Variants in TCF7L2 observed in about 807,000 individuals in gnomAD.
TCF7L2 encodes transcription factor 7-like 2.
TCF7L2 carries 23 observed loss-of-function variants against 77.9 expected under a neutral mutation model. That is an observed-to-expected ratio of 0.30 (90% CI 0.21 to 0.42). The LOEUF is 0.42. TCF7L2 is among the 10% of genes least tolerant of loss of function. TCF7L2 has a pLI of 1.00. For synonymous variants in TCF7L2, 413 were observed against 340.2 expected, an observed-to-expected ratio of 1.21 and a Z score of -2.36; for missense variants, 654 against 793.1, an observed-to-expected ratio of 0.82 and a Z score of 2.11.
chr10:113,164,612 AT>A (rs1428802450), intron 13 of TCF7L2, among the ~76,000 whole-genome samples: 2 of 148,762 alleles, frequency 1.3e-5, no homozygotes, highest in African/African-American at 4.9e-5. Context: ...AAAAAAAAAA[AT>A]CAAGTTTGAA....
chr10:113,161,521 C>T, intron 13 of TCF7L2: 1 of 1,529,248 alleles, frequency 6.5e-7, no homozygotes, highest in Non-Finnish European at 8.8e-7. Context: ...GTCTCATTTC[C>T]TTTCTTTAAT....
chr10:113,085,242 T>A (rs896383875), intron 5 of TCF7L2, among the ~76,000 whole-genome samples: 19 of 145,174 alleles, frequency 1.3e-4, no homozygotes, highest in African/African-American at 3.2e-4. Flanking sequence ...TTTTTTTTTT[T>A]AATTTTTAGT....
At position 113,153,455 on chromosome 10, in the gene TCF7L2, G is replaced by A. The variant is rs529012928; in HGVS notation, c.1269+1015G>A. 2.0e-5 allele frequency among the ~76,000 whole-genome samples: 3 copies of A among 152,338 alleles called. No individual in the cohort carries two copies. In the South Asian group the frequency reaches 6.2e-4, roughly 32 times the overall value. ...TGTCGATGTCTTGGAGCCATGGATG[G>A]TTACTTTTCCAGTTACTTTTGACTC... On this transcript the variant is annotated intron_variant, in intron 11 of 13. Coordinates refer to ENST00000627217, the MANE Select transcript of TCF7L2 (RefSeq NM_001146274.2).
chr10:112,968,182 T>G (rs1191874066), intron 4 of TCF7L2, among the ~76,000 whole-genome samples: 2 of 152,152 alleles, frequency 1.3e-5, no homozygotes, highest in African/African-American at 4.8e-5. Flanking sequence ...TTTGAGCCGC[T>G]CAGTCTCTGT....
At chr10:112,958,967 A>G (rs1398130850) in intron 3 of TCF7L2, among the ~76,000 whole-genome samples, 2 of 152,346 alleles carry the variant, frequency 1.3e-5, no homozygotes, top group East Asian at 3.9e-4. Context: ...TGTGTTAGGA[A>G]CATGTCTCAG....
At chr10:113,085,754 T>G (rs573701647) in intron 5 of TCF7L2, among the ~76,000 whole-genome samples, 1 of 152,188 alleles carries the variant, frequency 6.6e-6, no homozygotes, top group South Asian at 2.1e-4. Flanking sequence ...CTACCTTCTC[T>G]CTTGACTTGA....
intron 5 of TCF7L2, among the ~76,000 whole-genome samples, chr10:113,131,062 G>T (rs1048833255): frequency 3.3e-5 from 5 of 152,136 alleles, no homozygotes; most frequent in Admixed American, 2.6e-4. Context: ...CACCGTGCCC[G>T]GCCGGAGTGA....
At chr10:113,020,958 G>A (rs1284275061) in intron 4 of TCF7L2, among the ~76,000 whole-genome samples, 1 of 152,182 alleles carries the variant, frequency 6.6e-6, no homozygotes, top group Non-Finnish European at 1.5e-5. Context: ...TCACACAGCA[G>A]TTGAGTGCCA....
At position 112,975,457 on chromosome 10, in the gene TCF7L2, A is replaced by C. The variant is rs150025381; in HGVS notation, c.450+10833A>C. 3.7e-3 allele frequency among the ~76,000 whole-genome samples: 559 copies of C among 152,176 alleles called. 9 individuals carry two copies. The highest frequency in any genetic ancestry group is 0.017 in the East Asian group (89 of 5,174). On this transcript the variant is annotated intron_variant, in intron 4 of 13. Transcript: ENST00000627217. ...TGCAGGGGACCATCCCGTGCATTGT[A>C]GGGTGTTTATTTTTAAATTTTATTT...
chr10:112,973,714 C>T (rs1016241866), intron 4 of TCF7L2, among the ~76,000 whole-genome samples: 1 of 152,134 alleles, frequency 6.6e-6, no homozygotes, highest in African/African-American at 2.4e-5. Flanking sequence ...CTCAGCCTCC[C>T]AAGTATCTGA....
rs1592224779 is a variant in TCF7L2 at position 113,141,176 on chromosome 10, C to T, written c.553-8C>T. The stretch of plus-strand genomic sequence containing the variant: ...TGACGGTGTCTTTCTCTGTTCTCCT[C>T]CCCACAGTCTAACAAAGTGCCAGTG... On this transcript the variant is annotated splice_polypyrimidine_tract_variant and splice_region_variant and intron_variant, in intron 5 of 13. Coordinates refer to ENST00000627217, the MANE Select transcript of TCF7L2 (RefSeq NM_001146274.2). The T allele has an allele frequency of 1.2e-6, 2 of 1,613,874 alleles. No individual in the cohort carries two copies. Among genetic ancestry groups the T allele is most frequent in the Non-Finnish European group, 1.7e-6 (2 of 1,179,874 alleles).
At chr10:113,039,386 C>T (rs1238243019) in intron 4 of TCF7L2, among the ~76,000 whole-genome samples, 1 of 152,134 alleles carries the variant, frequency 6.6e-6, no homozygotes, top group Non-Finnish European at 1.5e-5. Flanking sequence ...TAAAGCATTC[C>T]TCTGGTCTTT....
intron 4 of TCF7L2, among the ~76,000 whole-genome samples, chr10:112,991,595 A>AG (rs2042561323): frequency 1.3e-5 from 2 of 151,660 alleles, no homozygotes; most frequent in African/African-American, 4.9e-5. Context: ...GCCACCGCCA[A>AG]GGGGAGTCAG....
intron 12 of TCF7L2, among the ~76,000 whole-genome samples, chr10:113,160,203 GT>G (rs2072919670): frequency 6.6e-6 from 1 of 151,820 alleles, no homozygotes; most frequent in South Asian, 2.1e-4. Context: ...AGCATCACTC[GT>G]GCCTCCTCGG....
chr10:113,115,360 ATTTCT>A (rs1472160284), intron 5 of TCF7L2, among the ~76,000 whole-genome samples: 1 of 152,236 alleles, frequency 6.6e-6, no homozygotes, highest in Non-Finnish European at 1.5e-5. Context: ...TTTTGAAAAC[ATTTCT>A]TTTCACATCC....
At chr10:112,962,636 C>T (rs1414479548) in intron 3 of TCF7L2, among the ~76,000 whole-genome samples, 1 of 152,112 alleles carries the variant, frequency 6.6e-6, no homozygotes, top group African/African-American at 2.4e-5. Flanking sequence ...CTCACTCTTA[C>T]CGCCTAGGCT....
intron 5 of TCF7L2, among the ~76,000 whole-genome samples, chr10:113,140,679 G>A (rs1418360285): frequency 2.6e-5 from 4 of 152,194 alleles, no homozygotes; most frequent in African/African-American, 9.6e-5. Flanking sequence ...AGGGCAGGGA[G>A]GGGATAGGAG....
At chr10:113,018,709 C>T (rs1212175385) in intron 4 of TCF7L2, among the ~76,000 whole-genome samples, 1 of 152,098 alleles carries the variant, frequency 6.6e-6, no homozygotes, top group African/African-American at 2.4e-5. Flanking sequence ...CTCGAGTGAT[C>T]CGCCTGTCTT....
chr10:113,067,251 A>G (rs1338070758), intron 5 of TCF7L2, among the ~76,000 whole-genome samples: 2 of 152,218 alleles, frequency 1.3e-5, no homozygotes, highest in East Asian at 3.8e-4. Context: ...GGGGCTCCAG[A>G]AGGACCGGAG....
Sources: gnomAD v4.1 joint callset for allele counts (sites outside exome capture counted in the v4.1 genomes callset) on GRCh38, gnomAD v4.1.1 for gene constraint, MANE v1.5 for transcripts, NCBI Gene and HGNC (gene_info 2026-07-23, HGNC 2026-07-21) for gene names.